Variants in DENND5B observed in about 807,000 individuals in gnomAD.
DENND5B encodes DENN domain-containing protein 5B.
A neutral mutation model predicts 140.6 loss-of-function variants in DENND5B; 34 were observed. The observed-to-expected ratio is 0.24, with a 90% CI of 0.18 to 0.32. The LOEUF (loss-of-function observed/expected upper bound fraction) is 0.32. Ranked by LOEUF, DENND5B falls within the 10% of genes least tolerant of loss-of-function variation. The probability of loss-of-function intolerance (pLI) is 1.00; values close to 1 mark genes in which losing one functional copy is unlikely to be tolerated. For missense variants in DENND5B, 1,142 were observed against 1,560.2 expected (o/e 0.73, Z 4.52); for synonymous variants, 551 against 562.1 (o/e 0.98, Z 0.28).
At chr12:31,570,528 C>A (rs1316239287) in intron 1 of DENND5B, among the ~76,000 whole-genome samples, 1 of 150,898 alleles carries the variant, frequency 6.6e-6, no homozygotes, top group African/African-American at 2.4e-5. Flanking sequence ...CCACCCGCCT[C>A]GGCCTCCCAA....
intron 1 of DENND5B, among the ~76,000 whole-genome samples, chr12:31,513,375 A>G (rs775108742): frequency 6.6e-6 from 1 of 152,162 alleles, no homozygotes; most frequent in Non-Finnish European, 1.5e-5. Context: ...CCCAACCCAC[A>G]TTTTAGAAAT....
chr12:31,499,574 T>C (rs1160733224), intron 1 of DENND5B: 2 of 1,446,812 alleles, frequency 1.4e-6, no homozygotes, highest in East Asian at 2.6e-5. Context: ...TGATTTATAA[T>C]AGCCCATCCT....
chr12:31,538,243 A>C (rs1948569632), intron 1 of DENND5B, among the ~76,000 whole-genome samples: 1 of 152,172 alleles, frequency 6.6e-6, no homozygotes, highest in African/African-American at 2.4e-5. Flanking sequence ...GATCATTCTC[A>C]AGGATGGACC....
At chr12:31,547,173 CTTT>C (rs953612670) in intron 1 of DENND5B, among the ~76,000 whole-genome samples, 1 of 151,934 alleles carries the variant, frequency 6.6e-6, no homozygotes, top group Non-Finnish European at 1.5e-5. Flanking sequence ...TGTTACTTTT[CTTT>C]TTTTTACATA....
intron 1 of DENND5B, among the ~76,000 whole-genome samples, chr12:31,560,600 A>T (rs1478330390): frequency 1.3e-5 from 2 of 152,096 alleles, no homozygotes; most frequent in Non-Finnish European, 2.9e-5. Flanking sequence ...TTTTAAAACT[A>T]AGTCAGAGGT....
intron 16 of DENND5B, among the ~76,000 whole-genome samples, chr12:31,399,199 C>CAA (rs1220355296): frequency 1.9e-5 from 1 of 52,124 alleles, no homozygotes; most frequent in Admixed American, 2.0e-4. Flanking sequence ...ATGACATAAA[C>CAA]AAAAAAAAAA....
intron 2 of DENND5B, among the ~76,000 whole-genome samples, chr12:31,490,150 C>T (rs866494298): frequency 3.4e-5 from 5 of 148,966 alleles, no homozygotes; most frequent in Middle Eastern, 3.5e-3. Context: ...TGACAAAAGA[C>T]TGGTGGGACG....
In DENND5B at chr12:31,382,306, C is replaced by G. The variant is rs141818757; in HGVS notation, c.*5297G>C. 6.6e-6 allele frequency: 1 copy of G among 152,104 alleles called. No individual in the cohort carries two copies. The highest frequency in any genetic ancestry group is 2.4e-5 in the African/African-American group (1 of 41,434). The allele number at this position is 152,104 out of a possible 1,614,324, so 9.4% of individuals were successfully genotyped here. A position where few individuals can be genotyped will look rare whatever the true frequency, so the allele number is the denominator to read the frequency against. Reference sequence around the variant, plus strand: ...TGTACTCCCAAACCTGAAAAACCCACGTCAGTTTGTCTGATATGTATGTTA... The same window carrying G: ...TGTACTCCCAAACCTGAAAAACCCAGGTCAGTTTGTCTGATATGTATGTTA... On this transcript the variant is annotated 3_prime_UTR_variant, in exon 21 of 21. Coordinates refer to ENST00000389082, the MANE Select transcript of DENND5B (RefSeq NM_144973.4).
At chr12:31,575,544 T>TA (rs1470104941) in intron 1 of DENND5B, among the ~76,000 whole-genome samples, 3 of 152,214 alleles carry the variant, frequency 2.0e-5, no homozygotes, top group African/African-American at 4.8e-5. Flanking sequence ...AGAATATCCT[T>TA]AGACTAGCAG....
chr12:31,458,934 C>T (rs910277237), intron 4 of DENND5B, among the ~76,000 whole-genome samples: 1 of 152,132 alleles, frequency 6.6e-6, no homozygotes, highest in Non-Finnish European at 1.5e-5. Context: ...ACAATTAGGC[C>T]AGGCACGGTG....
At chr12:31,486,914 T>A (rs913028345) in intron 2 of DENND5B, among the ~76,000 whole-genome samples, 9 of 152,232 alleles carry the variant, frequency 5.9e-5, no homozygotes, top group Non-Finnish European at 1.3e-4. Flanking sequence ...TATATAAACA[T>A]ACACATTACT....
chr12:31,526,543 G>T (rs1302419796), intron 1 of DENND5B, among the ~76,000 whole-genome samples: 2 of 152,102 alleles, frequency 1.3e-5, no homozygotes, highest in African/African-American at 2.4e-5. Context: ...ATAAATAAAA[G>T]AAATATTCAC....
Position 31,413,478 on chromosome 12 carries a change from G to A in DENND5B, c.2639C>T (p.Ser880Phe), listed in dbSNP as rs1031348286. Reference protein sequence around the residue: ...IRLSLEKKLLSQHLKQLLSNQ... With the variant: ...IRLSLEKKLLFQHLKQLLSNQ... ...AGAAAGCAACTGCTTAAGATGCTGG[G>A]ACAAGAGCTTCTTTTCTAGAGACAG... Residue 880 changes from serine (S) to phenylalanine (F), a missense_variant, in exon 13 of 21, where the codon TCC becomes TTC. Around this residue, in one of 5 missense-constraint regions of DENND5B, gnomAD observed 268 missense variants for 349.2 expected, o/e 0.77. Coordinates refer to ENST00000389082, the MANE Select transcript of DENND5B (RefSeq NM_144973.4). The A allele has an allele frequency of 6.2e-7, 1 of 1,613,806 alleles. No individual in the cohort carries two copies. Among genetic ancestry groups the A allele is most frequent in the Non-Finnish European group, 8.5e-7 (1 of 1,179,758 alleles).
At chr12:31,529,596 G>A (rs371874655) in intron 1 of DENND5B, among the ~76,000 whole-genome samples, 1 of 152,014 alleles carries the variant, frequency 6.6e-6, no homozygotes, top group African/African-American at 2.4e-5. Context: ...AGACCAAGGT[G>A]GGGGGATCGC....
chr12:31,578,903 A>G (rs951305297), intron 1 of DENND5B, among the ~76,000 whole-genome samples: 10 of 152,364 alleles, frequency 6.6e-5, no homozygotes, highest in African/African-American at 2.2e-4. Context: ...GAGAAAAGTC[A>G]TATTTTCAAG....
intron 7 of DENND5B, among the ~76,000 whole-genome samples, chr12:31,436,815 G>T (rs964203952): frequency 6.6e-6 from 1 of 151,942 alleles, no homozygotes; most frequent in Non-Finnish European, 1.5e-5. Flanking sequence ...GATTACAGAC[G>T]TGAGTCACTG....
chr12:31,495,929 A>G lies in DENND5B; in HGVS notation c.128-10T>C. 1.3e-6 allele frequency: 2 copies of G among 1,574,760 alleles called. No individual in the cohort carries two copies. ...TGGTCAAAATTTTCGCCTACAACAA[A>G]TAATACATAGTTAATATCTAGAACT... On this transcript the variant is annotated splice_polypyrimidine_tract_variant and intron_variant, in intron 1 of 20. Transcript: ENST00000389082.
intron 1 of DENND5B, chr12:31,540,984 GA>G: frequency 4.4e-6 from 2 of 454,134 alleles, no homozygotes; most frequent in South Asian, 3.1e-5. Flanking sequence ...ATGGTGCTGG[GA>G]AAACTGGATA....
At chr12:31,461,189 G>GTA (rs1197948191) in intron 3 of DENND5B, among the ~76,000 whole-genome samples, 3 of 152,022 alleles carry the variant, frequency 2.0e-5, no homozygotes, top group East Asian at 3.9e-4. Context: ...TTCTTACACA[G>GTA]TATATATGAC....
Sources: gnomAD v4.1 joint callset for allele counts (sites outside exome capture counted in the v4.1 genomes callset) on GRCh38, gnomAD v4.1.1 for gene constraint, gnomAD v4.1.1 regional missense constraint, MANE v1.5 for transcripts, NCBI Gene and HGNC (gene_info 2026-07-23, HGNC 2026-07-21) for gene names.